The following GABBR2 variants were observed in gnomAD, a reference collection of about 807,000 sequenced individuals.
GABBR2 encodes gamma-aminobutyric acid type B receptor subunit 2, also known as G-protein coupled receptor 51.
A neutral mutation model predicts 105.6 loss-of-function variants in GABBR2; 23 were observed. That is an observed-to-expected ratio of 0.22 (90% CI 0.16 to 0.31). The LOEUF is 0.31. GABBR2 is among the 10% of genes least tolerant of loss of function. The pLI is 1.00. For missense variants in GABBR2, 734 were observed against 1,245.5 expected (o/e 0.59, Z 6.18); for synonymous variants, 478 against 499.7 (o/e 0.96, Z 0.58).
At chr9:98,496,025 G>C (rs936196579) in intron 4 of GABBR2, 1 of 210,324 alleles carries the variant, frequency 4.8e-6, no homozygotes, top group African/African-American at 2.3e-5. Flanking sequence ...CCGGATAGGG[G>C]TCAGGAGCCT....
At chr9:98,669,449 C>A (rs918771923) in intron 1 of GABBR2, among the ~76,000 whole-genome samples, 4 of 152,128 alleles carry the variant, frequency 2.6e-5, no homozygotes, top group African/African-American at 9.7e-5. Context: ...ATCCTCAATA[C>A]CTTTTGTTGA....
At chr9:98,616,658 G>A (rs891777002) in intron 1 of GABBR2, among the ~76,000 whole-genome samples, 2 of 151,928 alleles carry the variant, frequency 1.3e-5, no homozygotes, top group African/African-American at 4.8e-5. Flanking sequence ...GGAGGCTGAG[G>A]CAGGAGAATC....
intron 3 of GABBR2, among the ~76,000 whole-genome samples, chr9:98,516,958 G>A (rs944762): frequency 0.046 from 7,003 of 152,316 alleles, 244 homozygotes; most frequent in South Asian, 0.12. Context: ...AATGCTGTGA[G>A]ATCTTGGTTG....
At chr9:98,413,133 A>G (rs958486981) in intron 7 of GABBR2, among the ~76,000 whole-genome samples, 1 of 152,206 alleles carries the variant, frequency 6.6e-6, no homozygotes, top group Admixed American at 6.5e-5. Context: ...TACAAAGACC[A>G]TGGGGGACCC....
At position 98,408,912 on chromosome 9, in the gene GABBR2, G is replaced by A. The variant is rs953937952; in HGVS notation, c.1237-2771C>T. 9.2e-5 allele frequency among the ~76,000 whole-genome samples: 14 copies of A among 152,282 alleles called. No individual in the cohort carries two copies. The South Asian group carries it at 1.0e-3, about 11-fold the overall frequency. ...AGGCGACCCTCCTGCCTCAGCCTGC[G>A]ATTACAGGCACACACATCATTACAC... On this transcript the variant is annotated intron_variant, in intron 7 of 18. Transcript: ENST00000259455.
At chr9:98,692,149 G>T (rs956293666) in intron 1 of GABBR2, among the ~76,000 whole-genome samples, 6 of 152,140 alleles carry the variant, frequency 3.9e-5, no homozygotes, top group African/African-American at 1.4e-4. Context: ...CTCTTACCAG[G>T]GTCACTTGCT....
chr9:98,383,737 A>C (rs75618811), intron 11 of GABBR2, among the ~76,000 whole-genome samples: 22 of 152,208 alleles, frequency 1.4e-4, no homozygotes, highest in African/African-American at 5.3e-4. Context: ...GATGTGTAAC[A>C]GTCAGTCCAG....
intron 2 of GABBR2, among the ~76,000 whole-genome samples, chr9:98,572,437 C>T (rs1275126861): frequency 1.3e-5 from 2 of 152,206 alleles, no homozygotes; most frequent in Non-Finnish European, 2.9e-5. Context: ...AAAAGGGCCG[C>T]CAGAGCTCCT....
intron 11 of GABBR2, among the ~76,000 whole-genome samples, chr9:98,376,774 C>A (rs764469837): frequency 6.6e-6 from 1 of 152,164 alleles, no homozygotes. Context: ...TACAGCAGAG[C>A]CTTTCTGGGG....
chr9:98,560,782 G>GTA (rs35347663), intron 2 of GABBR2, among the ~76,000 whole-genome samples: 106,650 of 145,264 alleles, frequency 0.73, 41,966 homozygotes, highest in East Asian at 0.89. Context: ...ATATAGTAGT[G>GTA]TATATATATA....
chr9:98,567,959 G>A (rs1010162874), intron 2 of GABBR2, among the ~76,000 whole-genome samples: 2 of 148,316 alleles, frequency 1.3e-5, no homozygotes, highest in African/African-American at 5.1e-5. Context: ...TGCACTTGTT[G>A]AGTGAGAGAA....
At chr9:98,532,308 C>G (rs1828082072) in intron 3 of GABBR2, among the ~76,000 whole-genome samples, 1 of 152,192 alleles carries the variant, frequency 6.6e-6, no homozygotes, top group Non-Finnish European at 1.5e-5. Context: ...CCTTGCAGAG[C>G]TCAAGGGAAG....
intron 7 of GABBR2, among the ~76,000 whole-genome samples, chr9:98,439,118 A>T (rs1825985176): frequency 6.6e-6 from 1 of 152,204 alleles, no homozygotes; most frequent in Non-Finnish European, 1.5e-5. Flanking sequence ...AACTGAAAAA[A>T]GAGTGCTTAT....
At chr9:98,602,145 C>T (rs1829347445) in intron 1 of GABBR2, among the ~76,000 whole-genome samples, 1 of 150,992 alleles carries the variant, frequency 6.6e-6, no homozygotes, top group Non-Finnish European at 1.5e-5. Context: ...GGACCACAGG[C>T]TTGCACCACC....
At chr9:98,647,547 G>C (rs569358762) in intron 1 of GABBR2, among the ~76,000 whole-genome samples, 5 of 152,304 alleles carry the variant, frequency 3.3e-5, no homozygotes, top group Admixed American at 6.5e-5. Flanking sequence ...TGAATAACAG[G>C]GGCGGAGGAG....
chr9:98,383,216 T>C (rs963875195), intron 11 of GABBR2, among the ~76,000 whole-genome samples: 2 of 152,158 alleles, frequency 1.3e-5, no homozygotes, highest in Non-Finnish European at 2.9e-5. Context: ...GCTGGGATTA[T>C]AGGTGTGAGC....
intron 6 of GABBR2, among the ~76,000 whole-genome samples, chr9:98,462,991 C>T (rs946744499): frequency 9.2e-5 from 14 of 152,092 alleles, no homozygotes; most frequent in Admixed American, 3.3e-4. Context: ...TGGGTTCAAG[C>T]GATCCTCCTG....
At chr9:98,428,457 GA>G (rs1434390342) in intron 7 of GABBR2, among the ~76,000 whole-genome samples, 3 of 152,142 alleles carry the variant, frequency 2.0e-5, no homozygotes, top group Admixed American at 6.5e-5. Flanking sequence ...CCAGAAACCA[GA>G]AGACAGGGGA....
rs372217130 is a variant in GABBR2, at chr9:98,373,460, G to C, written c.1663-1889C>G. On this transcript the variant is annotated intron_variant, in intron 11 of 18. Transcript: ENST00000259455. ...AGCTAAGCCTGGAACTCGATGCTTT[G>C]ACCCGGTCCAGGCCTCTCTCCCCGA... Among the ~76,000 whole-genome samples the C allele has an allele frequency of 3.9e-5, 6 of 152,140 alleles. No homozygotes were observed. The East Asian group carries it at 9.7e-4, about 25-fold the overall frequency.
Sources: allele counts gnomAD v4.1 joint callset (sites outside exome capture counted in the v4.1 genomes callset), GRCh38; gene constraint gnomAD v4.1.1; transcripts MANE v1.5; gene names NCBI Gene and HGNC (gene_info 2026-07-23, HGNC 2026-07-21).